BNC2: variants seen among roughly 807,000 people sequenced by gnomAD.
BNC2 encodes the protein basonuclin zinc finger protein 2.
Under a neutral mutation model 76.3 loss-of-function variants are expected in BNC2, and 20 were observed. That is an observed-to-expected ratio of 0.26 (90% CI 0.18 to 0.38). The LOEUF (loss-of-function observed/expected upper bound fraction) is 0.38, where lower values mean the gene tolerates loss of function less well. Among genes scored for constraint, BNC2 ranks in the 10% least tolerant of loss-of-function variants. The pLI is 1.00. For synonymous variants in BNC2, 582 were observed against 514.8 expected, an observed-to-expected ratio of 1.13 and a Z score of -1.77; for missense variants, 1,382 against 1,399.8, an observed-to-expected ratio of 0.99 and a Z score of 0.20.
chr9:16,478,660 C>G (rs969527063), intron 5 of BNC2, among the ~76,000 whole-genome samples: 4 of 152,066 alleles, frequency 2.6e-5, no homozygotes, highest in African/African-American at 9.7e-5. Flanking sequence ...AGGAAAGGAC[C>G]ATTAGATGTT....
chr9:16,806,709 T>C (rs1350102496), intron 1 of BNC2, among the ~76,000 whole-genome samples: 1 of 152,226 alleles, frequency 6.6e-6, no homozygotes, highest in Non-Finnish European at 1.5e-5. Flanking sequence ...CTTCCTATCT[T>C]ACAGTTCTCA....
At chr9:16,811,127 G>A (rs1818038791) in intron 1 of BNC2, among the ~76,000 whole-genome samples, 1 of 150,686 alleles carries the variant, frequency 6.6e-6, no homozygotes, top group Non-Finnish European at 1.5e-5. Context: ...TGAGGCTGAG[G>A]CAGGAGAATG....
intron 1 of BNC2, among the ~76,000 whole-genome samples, chr9:16,750,057 C>A (rs1018827629): frequency 6.6e-6 from 1 of 152,064 alleles, no homozygotes; most frequent in Non-Finnish European, 1.5e-5. Flanking sequence ...AAATGGACAG[C>A]CCATCACAGA....
chr9:16,419,010 A>C lies in BNC2; in HGVS notation c.3279T>G (p.Ile1093Met). The C allele has an allele frequency of 6.2e-7, 1 of 1,614,088 alleles. No homozygotes were observed. The highest frequency in any genetic ancestry group is 1.1e-5 in the South Asian group (1 of 91,080). The change falls in exon 7 of 7, where the codon ATT becomes ATG. Residue 1093 changes from isoleucine (I) to methionine (M), a missense_variant. Ile to Met is a conservative substitution (Grantham distance 10). Around this residue, in one of 3 missense-constraint regions of BNC2, gnomAD observed 798 missense variants for 775.5 expected, o/e 1.03. Transcript: ENST00000380672. ...GAGACTAATCTACTGAAGTGAAGGGAATGTTTTTGTGGAGATTAGGGTTCT... is the reference window on the plus strand; with the variant it reads ...GAGACTAATCTACTGAAGTGAAGGGCATGTTTTTGTGGAGATTAGGGTTCT... ...HSQNPNLHKN[I>M]PFTSVD
At chr9:16,683,982 T>C (rs1466220108) in intron 3 of BNC2, among the ~76,000 whole-genome samples, 1 of 152,192 alleles carries the variant, frequency 6.6e-6, no homozygotes, top group Non-Finnish European at 1.5e-5. Context: ...TTCTGAACTA[T>C]CAACCCCACA....
intron 5 of BNC2, among the ~76,000 whole-genome samples, chr9:16,480,214 A>C (rs941749782): frequency 4.6e-5 from 7 of 152,202 alleles, no homozygotes; most frequent in Non-Finnish European, 8.8e-5. Context: ...AAACTCTGGC[A>C]ACCTAGCACT....
In BNC2 at chr9:16,737,548, C is replaced by CTTT. The variant is rs34933639; in HGVS notation, c.129+809_129+811dup. Among the ~76,000 whole-genome samples the CTTT allele has an allele frequency of 4.2e-3, 620 of 146,174 alleles. 10 individuals are homozygous for CTTT. Among genetic ancestry groups the CTTT allele is most frequent in the Non-Finnish European group, 5.5e-3 (366 of 66,832 alleles). ...TACAGGCGTGAGCCACCGTGCCTGG[C>CTTT]TTTTTTTTTTTTTTAAAGATGGGGT... On this transcript the variant is annotated intron_variant, in intron 2 of 6. Transcript: ENST00000380672.
Position 16,435,770 on chromosome 9 carries a change from A to G in BNC2, c.2424T>C (p.Phe808=). ...GASMAALHES[F]TSSLNYGSPQ... ...GGCTGCCATAATTCAGAGACGATGT[A>G]AAGCTCTCATGCAAGGCGGCCATGC... The change falls in exon 6 of 7, where the codon TTT becomes TTC. Residue 808 remains phenylalanine, a synonymous_variant. Transcript: ENST00000380672. 1.2e-6 allele frequency: 2 copies of G among 1,614,114 alleles called. No homozygotes were observed.
At chr9:16,858,564 G>A (rs1162741039) in intron 1 of BNC2, among the ~76,000 whole-genome samples, 1 of 152,152 alleles carries the variant, frequency 6.6e-6, no homozygotes, top group Non-Finnish European at 1.5e-5. Context: ...GAAACTTCTG[G>A]CCAGGCGCGG....
chr9:16,492,614 G>A (rs564483513), intron 5 of BNC2, among the ~76,000 whole-genome samples: 1 of 152,012 alleles, frequency 6.6e-6, no homozygotes, highest in Non-Finnish European at 1.5e-5. Context: ...TGTGATGTAT[G>A]GTCCACTGAG....
rs116177736 is a variant in BNC2 at position 16,580,789 on chromosome 9, A to G, written c.433+2194T>C. The stretch of plus-strand genomic sequence containing the variant: ...CTGGCCTCCCCTTTAGTGCTCATCT[A>G]CTGTCCATTTTACTTTTAATATGTA... On this transcript the variant is annotated intron_variant, in intron 4 of 6. Transcript: ENST00000380672. 7.3e-3 allele frequency among the ~76,000 whole-genome samples: 1,116 copies of G among 152,328 alleles called. 15 individuals carry two copies. Among genetic ancestry groups the G allele is most frequent in the African/African-American group, 0.026 (1,078 of 41,574 alleles).
At chr9:16,562,863 T>C (rs1229516281) in intron 4 of BNC2, among the ~76,000 whole-genome samples, 1 of 152,214 alleles carries the variant, frequency 6.6e-6, no homozygotes, top group African/African-American at 2.4e-5. Context: ...TTATATATTA[T>C]AGTACATAAT....
intron 4 of BNC2, among the ~76,000 whole-genome samples, chr9:16,569,036 C>T (rs1231239554): frequency 7.1e-5 from 10 of 140,932 alleles, no homozygotes; most frequent in Admixed American, 6.4e-4. Context: ...AAGAAGAAAA[C>T]GAATGGTATT....
chr9:16,682,010 A>G (rs1822838183), intron 3 of BNC2, among the ~76,000 whole-genome samples: 1 of 151,980 alleles, frequency 6.6e-6, no homozygotes, highest in Non-Finnish European at 1.5e-5. Context: ...TGTTTAGCAC[A>G]AGGTCATCTA....
rs71327860 is a variant in BNC2 at position 16,793,648 on chromosome 9, C to CTTTTT, written c.4-55168_4-55164dup. 1.8e-3 allele frequency among the ~76,000 whole-genome samples: 101 copies of CTTTTT among 55,820 alleles called. 2 individuals are homozygous for CTTTTT. Among genetic ancestry groups the CTTTTT allele is most frequent in the African/African-American group, 3.0e-3 (55 of 18,174 alleles). 36.6% of individuals were successfully genotyped at this position (55,820 alleles called of 152,430 possible). A position where few individuals can be genotyped will look rare whatever the true frequency, so the allele number is the denominator to read the frequency against. On this transcript the variant is annotated intron_variant, in intron 1 of 6. Transcript: ENST00000380672. ...CCAAAGGGGTACTTGCCTTCCACATCTTTTTTTTTTTTTTTTTTTTTTTTT... is the reference window on the plus strand; with the variant it reads ...CCAAAGGGGTACTTGCCTTCCACATCTTTTTTTTTTTTTTTTTTTTTTTTTTTTTT...
chr9:16,583,159 T>C, intron 3 of BNC2, 74 bp from the exon 4 acceptor site: 1 of 1,209,190 alleles, frequency 8.3e-7, no homozygotes, highest in Non-Finnish European at 1.2e-6. Flanking sequence ...TTTCAATAAA[T>C]ATTGCCCACT....
chr9:16,728,123 C>A, intron 2 of BNC2, 126 bp from the exon 3 acceptor site: 1 of 764,016 alleles, frequency 1.3e-6, no homozygotes, highest in Non-Finnish European at 2.3e-6. Context: ...GGGAGGGGGT[C>A]AGAGCTTCTT....
intron 5 of BNC2, among the ~76,000 whole-genome samples, chr9:16,442,146 G>T (rs998382298): frequency 6.6e-6 from 1 of 152,132 alleles, no homozygotes; most frequent in African/African-American, 2.4e-5. Flanking sequence ...AGGATAATAA[G>T]ATTTACCCTG....
chr9:16,523,237 C>A (rs1407420953), intron 5 of BNC2, among the ~76,000 whole-genome samples: 1 of 151,236 alleles, frequency 6.6e-6, no homozygotes, highest in African/African-American at 2.4e-5. Flanking sequence ...TTTGGGAGGC[C>A]GAGGTGGGTG....
Sources: allele counts gnomAD v4.1 joint callset (sites outside exome capture counted in the v4.1 genomes callset), GRCh38; gene constraint gnomAD v4.1.1; regional missense constraint gnomAD v4.1.1; transcripts MANE v1.5; gene names NCBI Gene and HGNC (gene_info 2026-07-23, HGNC 2026-07-21).